Variants in GALNT14 observed in about 807,000 individuals in gnomAD.
GALNT14 encodes polypeptide N-acetylgalactosaminyltransferase 14, also known as UDP-GalNAc:polypeptide N-acetylgalactosaminyltransferase 14.
GALNT14 carries 60 observed loss-of-function variants against 77.5 expected under a neutral mutation model. The observed-to-expected ratio is 0.77, with a 90% CI of 0.63 to 0.96. The LOEUF (loss-of-function observed/expected upper bound fraction) is 0.96, where lower values mean the gene tolerates loss of function less well. GALNT14 is among the 40% of genes least tolerant of loss of function. GALNT14 has a pLI of 0.00. For synonymous variants in GALNT14, 280 were observed against 281.7 expected (o/e 0.99, Z 0.06); for missense variants, 710 against 731.0 (o/e 0.97, Z 0.33).
intron 2 of GALNT14, among the ~76,000 whole-genome samples, chr2:30,978,326 G>A (rs996417793): frequency 6.6e-6 from 1 of 152,182 alleles, no homozygotes; most frequent in Admixed American, 6.5e-5. Context: ...CTAAATCACT[G>A]TGCCATCTTC....
intron 1 of GALNT14, among the ~76,000 whole-genome samples, chr2:31,039,071 C>T (rs766192174): frequency 6.6e-6 from 1 of 152,102 alleles, no homozygotes; most frequent in Admixed American, 6.6e-5. Flanking sequence ...TAAACAAATG[C>T]TCCCCGGATT....
intron 2 of GALNT14, among the ~76,000 whole-genome samples, chr2:30,968,975 G>C (rs1344124666): frequency 6.6e-6 from 1 of 152,148 alleles, no homozygotes; most frequent in Non-Finnish European, 1.5e-5. Flanking sequence ...GACCTGGAGG[G>C]AGTGTTAGCT....
intron 1 of GALNT14, among the ~76,000 whole-genome samples, chr2:31,102,610 GA>G (rs1462624394): frequency 1.2e-4 from 19 of 152,070 alleles, no homozygotes; most frequent in African/African-American, 4.3e-4. Context: ...ACCCTTGAAA[GA>G]TATATTTTCT....
At position 30,942,190 on chromosome 2, in the gene GALNT14, C is replaced by A; in HGVS notation, c.931+11G>T. On this transcript the variant is annotated intron_variant, in intron 9 of 14. Transcript: ENST00000349752. ...AACAGCATAGGTCAGGATGCAGAGG[C>A]AGGGACTCACCAAAGTTCTCCCCAC... 6.3e-7 allele frequency: 1 copy of A among 1,589,574 alleles called. No individual in the cohort carries two copies. Among genetic ancestry groups the A allele is most frequent in the Non-Finnish European group, 8.6e-7 (1 of 1,157,738 alleles).
At chr2:31,045,716 G>A (rs1468946578) in intron 1 of GALNT14, among the ~76,000 whole-genome samples, 1 of 152,128 alleles carries the variant, frequency 6.6e-6, no homozygotes, top group Admixed American at 6.5e-5. Context: ...GCCCGCCTCA[G>A]CCTCCCAAAG....
intron 1 of GALNT14, chr2:31,073,179 C>T (rs927219702): frequency 5.9e-5 from 9 of 152,000 alleles, no homozygotes; most frequent in African/African-American, 9.7e-5. Flanking sequence ...TCCTCGTCTG[C>T]AAAATGGGAA....
At chr2:30,915,091 T>C (rs1664599365) in intron 13 of GALNT14, among the ~76,000 whole-genome samples, 1 of 152,186 alleles carries the variant, frequency 6.6e-6, no homozygotes, top group African/African-American at 2.4e-5. Flanking sequence ...TACAATGACA[T>C]TGTGTTTTTT....
chr2:31,097,224 C>G (rs893941464), intron 1 of GALNT14, among the ~76,000 whole-genome samples: 10 of 152,102 alleles, frequency 6.6e-5, no homozygotes, highest in African/African-American at 2.4e-4. Flanking sequence ...TTCTAGGAAA[C>G]AAGGAAGGAG....
At chr2:31,051,910 C>T (rs924357181) in intron 1 of GALNT14, among the ~76,000 whole-genome samples, 6 of 152,130 alleles carry the variant, frequency 3.9e-5, no homozygotes, top group Non-Finnish European at 7.4e-5. Context: ...TGGACATTTC[C>T]CCCTCCCCTC....
chr2:31,079,136 C>A (rs1358684402), intron 1 of GALNT14: 4 of 1,089,850 alleles, frequency 3.7e-6, no homozygotes, highest in Non-Finnish European at 3.5e-6. Context: ...TTTGGGACAC[C>A]AGCTTGTTTG....
At chr2:31,078,833 A>T (rs1675977209) in intron 1 of GALNT14, 1 of 1,020,418 alleles carries the variant, frequency 9.8e-7, no homozygotes, top group Admixed American at 2.4e-5. Context: ...GGCGAGATAT[A>T]GGCCTGGGAG....
intron 1 of GALNT14, among the ~76,000 whole-genome samples, chr2:31,049,928 G>A (rs1445026973): frequency 6.6e-6 from 1 of 152,096 alleles, no homozygotes; most frequent in Non-Finnish European, 1.5e-5. Flanking sequence ...AATTCTTGGG[G>A]GGCAAAGTAT....
At chr2:31,130,234 C>A (rs529633454) in intron 1 of GALNT14, among the ~76,000 whole-genome samples, 1 of 152,200 alleles carries the variant, frequency 6.6e-6, no homozygotes, top group South Asian at 2.1e-4. Flanking sequence ...GTATTCCCAG[C>A]GATAAGGGCT....
chr2:31,104,921 T>C (rs916653468), intron 1 of GALNT14, among the ~76,000 whole-genome samples: 7 of 152,198 alleles, frequency 4.6e-5, no homozygotes, highest in Non-Finnish European at 8.8e-5. Flanking sequence ...TTGGTTACAC[T>C]TTTGTGGGAA....
rs1314655400 is a variant in GALNT14, at chr2:31,114,752, AGAAAGACCT to A, written c.129+23197_129+23205del. 3 of 717,190 alleles carry A rather than the reference AGAAAGACCT, an allele frequency of 4.2e-6. No homozygotes were observed. In the East Asian group the frequency reaches 8.0e-5, roughly 19 times the overall value. The allele number at this position is 717,190 out of a possible 1,614,324, so 44.4% of individuals were successfully genotyped here. On this transcript the variant is annotated intron_variant, in intron 1 of 14. Transcript: ENST00000349752. The stretch of plus-strand genomic sequence containing the variant: ...GAAGTAAAGAATTTACCTGACTTGA[AGAAAGACCT>A]GAGTCTGCAAATGGAACTGAGCTTC...
rs1664415044 is a variant in GALNT14 at position 30,912,295 on chromosome 2, G to T, written c.1428C>A (p.Cys476Ter). 4.3e-6 allele frequency: 7 copies of T among 1,614,124 alleles called. No individual in the cohort carries two copies. The highest frequency in any genetic ancestry group is 5.1e-6 in the Non-Finnish European group (6 of 1,179,978). ...CAGGGAACAAGGTGATGACTGACAGGCACAGCTCCTCCTGGAGGATCTGCT... is the reference window on the plus strand; with the variant it reads ...CAGGGAACAAGGTGATGACTGACAGTCACAGCTCCTCCTGGAGGATCTGCT... ...YTQQILQEELCLSVITLFPGA... is the reference protein window; with the variant it reads ...YTQQILQEEL Residue 476 changes from cysteine to a stop codon, truncating the protein, a stop_gained, in exon 14 of 15, where the codon TGC becomes TGA. Transcript: ENST00000349752. LOFTEE classifies it high-confidence loss of function.
chr2:31,099,724 G>A (rs72795211), intron 1 of GALNT14, among the ~76,000 whole-genome samples: 7,313 of 151,704 alleles, frequency 0.048, 313 homozygotes, highest in African/African-American at 0.12. Flanking sequence ...ATCTATTTCT[G>A]GACTAACCAC....
intron 6 of GALNT14, among the ~76,000 whole-genome samples, chr2:30,952,463 A>G (rs1415804472): frequency 1.3e-5 from 2 of 151,340 alleles, no homozygotes; most frequent in Non-Finnish European, 2.9e-5. Context: ...CTTTGTAGGG[A>G]CATGGATGAA....
At chr2:31,049,941 A>G (rs1673731557) in intron 1 of GALNT14, among the ~76,000 whole-genome samples, 2 of 152,156 alleles carry the variant, frequency 1.3e-5, no homozygotes, top group Non-Finnish European at 2.9e-5. Context: ...CAAAGTATGG[A>G]AAAGTATGGG....
Sources: allele counts gnomAD v4.1 joint callset (sites outside exome capture counted in the v4.1 genomes callset), GRCh38; gene constraint gnomAD v4.1.1; transcripts MANE v1.5; gene names NCBI Gene and HGNC (gene_info 2026-07-23, HGNC 2026-07-21).